Variants in SP140 observed in about 807,000 individuals in gnomAD.
SP140 encodes nuclear body protein SP140.
In SP140, 81 loss-of-function variants were observed where a neutral mutation model predicts 125.0. That is an observed-to-expected ratio of 0.65 (90% CI 0.54 to 0.78). The LOEUF (loss-of-function observed/expected upper bound fraction) is 0.78. SP140 is among the 30% of genes least tolerant of loss of function. The pLI, the probability that SP140 is intolerant of heterozygous loss-of-function variation, is 0.00. For missense variants in SP140, 858 were observed against 1,037.0 expected, an observed-to-expected ratio of 0.83 and a Z score of 2.37; for synonymous variants, 312 against 354.0, an observed-to-expected ratio of 0.88 and a Z score of 1.33.
At chr2:230,200,665 T>TATAC (rs1389539848), upstream of SP140, 2 of 589,392 alleles carry the variant, frequency 3.4e-6, no homozygotes, top group African/African-American at 1.9e-5. Context: ...ATAGTGCAGA[T>TATAC]ATACATACAT....
chr2:230,189,892 C>G, the SP140 span, among the ~76,000 whole-genome samples: 504 of 152,306 alleles, frequency 3.3e-3, 2 homozygotes, highest in Non-Finnish European at 5.5e-3. Flanking sequence ...TTTATGGCTG[C>G]ATAGTGTTCC....
Position 230,268,750 on chromosome 2 carries a change from C to T in SP140, c.1241-782C>T, listed in dbSNP as rs2053505738. On this transcript the variant is annotated intron_variant, in intron 12 of 26. Coordinates refer to ENST00000392045, the MANE Select transcript of SP140 (RefSeq NM_007237.5). ...TCGAGTTGTTGTTGAGAAAGATTCA[C>T]TTGGCAGTAGGTCAGAAAAATGACC... 2.0e-5 allele frequency among the ~76,000 whole-genome samples: 3 copies of T among 152,168 alleles called. No individual in the cohort carries two copies. The South Asian group carries it at 6.2e-4, about 32-fold the overall frequency.
At chr2:230,243,384 CAGAGA>C (rs1339637617) in intron 4 of SP140, among the ~76,000 whole-genome samples, 3 of 151,914 alleles carry the variant, frequency 2.0e-5, no homozygotes, top group Non-Finnish European at 4.4e-5. Flanking sequence ...TTTGCAGGAG[CAGAGA>C]AGAGAGAAAT....
At chr2:230,280,943 A>C (rs541263001) in intron 15 of SP140, among the ~76,000 whole-genome samples, 1 of 152,256 alleles carries the variant, frequency 6.6e-6, no homozygotes, top group African/African-American at 2.4e-5. Flanking sequence ...TTGGGTGTAC[A>C]ACTTTTTCTT....
chr2:230,241,139 T>C (rs1212304454), intron 3 of SP140, among the ~76,000 whole-genome samples: 1 of 152,170 alleles, frequency 6.6e-6, no homozygotes, highest in Non-Finnish European at 1.5e-5. Flanking sequence ...CCATTGCTGG[T>C]GATAGGAACC....
chr2:230,211,456 CA>C lies in SP140; in HGVS notation c.-322-2195del. ...AACAAAGGCAAGCTTTTAGGTTGAC[CA>C]AACCAAGATTACCTGGCATAGAGCC... On this transcript the variant is annotated intron_variant, in intron 1 of 4. Transcript: ENST00000456542. This position sits in a 1 kb window ranked among gnomAD's most constrained non-coding sequence, Gnocchi z 4.2. 1 of 1,546,248 alleles carries C rather than the reference CA, an allele frequency of 6.5e-7. No homozygotes were observed. Among genetic ancestry groups the C allele is most frequent in the Non-Finnish European group, 8.9e-7 (1 of 1,118,140 alleles).
the SP140 span, among the ~76,000 whole-genome samples, chr2:230,194,740 C>A: frequency 6.6e-6 from 1 of 152,198 alleles, no homozygotes; most frequent in Non-Finnish European, 1.5e-5. Flanking sequence ...TTTCTTGTGT[C>A]TATTCTTCTG....
chr2:230,217,110 G>A (rs1191850418), intron 3 of SP140, among the ~76,000 whole-genome samples: 1 of 152,114 alleles, frequency 6.6e-6, no homozygotes, highest in East Asian at 1.9e-4. Flanking sequence ...GCTGGGTGTG[G>A]TGGCGCACGC....
rs554070653 is a variant in SP140, at chr2:230,291,459, A to G, written c.1825+895A>G. Among the ~76,000 whole-genome samples, 113 of 152,298 alleles carry G rather than the reference A, an allele frequency of 7.4e-4. 1 individual carries two copies. The highest frequency in any genetic ancestry group is 2.5e-3 in the African/African-American group (103 of 41,566). Reference sequence around the variant, plus strand: ...GCCTATTCCCACCTAAGCAGCCACTAATCTATTTTCTGCTCTATAAGTTTG... The same window carrying G: ...GCCTATTCCCACCTAAGCAGCCACTGATCTATTTTCTGCTCTATAAGTTTG... On this transcript the variant is annotated intron_variant, in intron 19 of 26. Transcript: ENST00000392045.
chr2:230,221,593 G>T, upstream of SP140: 1 of 1,048,670 alleles, frequency 9.5e-7, no homozygotes, highest in Non-Finnish European at 1.4e-6. Context: ...TAACAGCTGA[G>T]GAGAGGGTGC....
chr2:230,190,959 C>A, the SP140 span, among the ~76,000 whole-genome samples: 4 of 152,278 alleles, frequency 2.6e-5, no homozygotes, highest in African/African-American at 9.6e-5. Context: ...GTTACTGTAG[C>A]CTTGTCGTAT....
intron 13 of SP140, 58 bp downstream of exon 13, chr2:230,269,676 G>A: frequency 8.3e-7 from 1 of 1,206,984 alleles, no homozygotes; most frequent in East Asian, 2.3e-5. Flanking sequence ...AGAGAAAAAG[G>A]AGGAGAAAAA....
At chr2:230,217,747 A>G (rs2045379486) in intron 3 of SP140, among the ~76,000 whole-genome samples, 1 of 152,212 alleles carries the variant, frequency 6.6e-6, no homozygotes, top group African/African-American at 2.4e-5. Context: ...TATGTGTTCT[A>G]TGGCCACACT....
intron 22 of SP140, among the ~76,000 whole-genome samples, chr2:230,300,513 C>T (rs551081745): frequency 6.6e-6 from 1 of 152,218 alleles, no homozygotes; most frequent in South Asian, 2.1e-4. Flanking sequence ...AGCCCAGAAC[C>T]CAGTAGCTCT....
chr2:230,290,647 T>C, intron 19 of SP140, 83 bp downstream of exon 19: 1 of 1,176,254 alleles, frequency 8.5e-7, no homozygotes. Flanking sequence ...GAATTACACA[T>C]CATTCAAGGA....
At chr2:230,292,930 C>T (rs1041974964) in intron 20 of SP140, 142 bp downstream of exon 20, 30 of 1,239,538 alleles carry the variant, frequency 2.4e-5, no homozygotes, top group Admixed American at 4.9e-5. Flanking sequence ...GAGAGAGGGA[C>T]CCCACATTCA....
intron 15 of SP140, 95 bp from the exon 16 acceptor site, chr2:230,284,251 G>A (rs1280963500): frequency 3.2e-6 from 4 of 1,258,458 alleles, no homozygotes; most frequent in Non-Finnish European, 4.4e-6. Context: ...GCGGACCAAA[G>A]TATGAAAAAA....
chr2:230,294,362 A>G (rs767974423), intron 21 of SP140, 44 bp downstream of exon 21: 6 of 1,448,980 alleles, frequency 4.1e-6, no homozygotes, highest in Admixed American at 1.7e-5. Context: ...CACATAACTG[A>G]TTTAGCATGC....
At chr2:230,225,445 A>G (rs183447017), upstream of SP140, 81 of 318,508 alleles carry the variant, frequency 2.5e-4, 1 homozygote, top group African/African-American at 1.3e-3. Flanking sequence ...AAGATTTGAA[A>G]TGTCTGGTCT....
Sources: allele counts gnomAD v4.1 joint callset (sites outside exome capture counted in the v4.1 genomes callset), GRCh38; gene constraint gnomAD v4.1.1; non-coding constraint Gnocchi (gnomAD v3.1); transcripts MANE v1.5; gene names NCBI Gene and HGNC (gene_info 2026-07-23, HGNC 2026-07-21).